Variants in NPAS1 observed in about 807,000 individuals in gnomAD.
NPAS1 encodes the protein neuronal PAS domain protein 1.
A neutral mutation model predicts 49.2 loss-of-function variants in NPAS1; 29 were observed. The ratio of observed to expected loss-of-function variants is 0.59; its 90% CI spans 0.44 to 0.80. The LOEUF is 0.80. Among genes scored for constraint, NPAS1 ranks in the 30% least tolerant of loss-of-function variants. The pLI is 0.00. For missense variants in NPAS1, 825 were observed against 835.5 expected, an observed-to-expected ratio of 0.99 and a Z score of 0.15; for synonymous variants, 408 against 380.4, an observed-to-expected ratio of 1.07 and a Z score of -0.84.
At chr19:47,033,631 T>C (rs1261883658) in intron 5 of NPAS1, among the ~76,000 whole-genome samples, 2 of 152,070 alleles carry the variant, frequency 1.3e-5, no homozygotes, top group African/African-American at 4.8e-5. Flanking sequence ...AGATGCACCA[T>C]ATTTGCCAAC....
chr19:47,036,184 G>T, intron 6 of NPAS1, 55 bp downstream of exon 6: 3 of 1,507,932 alleles, frequency 2.0e-6, no homozygotes, highest in South Asian at 1.2e-5. Flanking sequence ...GGGGACGCCC[G>T]CTGTACTGTA....
In NPAS1 at chr19:47,032,458, C is replaced by T. The variant is rs1039433234; in HGVS notation, c.432+107C>T. On this transcript the variant is annotated intron_variant, in intron 4 of 11. Transcript: ENST00000602212. The stretch of plus-strand genomic sequence containing the variant: ...CCATCTATTGTGGGGGGTACCTGGA[C>T]TGGGAAGGCGAATGCTCAAGATCCC... 2.4e-5 allele frequency: 31 copies of T among 1,286,664 alleles called. No individual in the cohort carries two copies. In the East Asian group the frequency reaches 7.2e-4, roughly 30 times the overall value. The allele number at this position is 1,286,664 out of a possible 1,614,324, so 79.7% of individuals were successfully genotyped here.
chr19:47,035,822 G>C (rs748246164), intron 5 of NPAS1, 142 bp from the exon 6 acceptor site: 254 of 818,992 alleles, frequency 3.1e-4, no homozygotes, highest in Non-Finnish European at 4.3e-4. Context: ...ATTGTTTTTT[G>C]TTTTTTTCTT....
At chr19:47,029,380 G>GGCCTTAGT (rs2056892546) in intron 3 of NPAS1, among the ~76,000 whole-genome samples, 3 of 140,524 alleles carry the variant, frequency 2.1e-5, no homozygotes. Context: ...CACTGCACCC[G>GGCCTTAGT]GCCTTAGTAT....
chr19:47,036,829 C>T (rs1342716196), intron 6 of NPAS1, among the ~76,000 whole-genome samples: 4 of 151,584 alleles, frequency 2.6e-5, no homozygotes, highest in Admixed American at 6.6e-5. Flanking sequence ...TTGCAGTGAG[C>T]AGAGATTGTG....
chr19:47,021,409 C>T lies in NPAS1; in HGVS notation c.123-203C>T, dbSNP rs1347727240. Among the ~76,000 whole-genome samples the T allele has an allele frequency of 6.6e-6, 1 of 152,222 alleles. No homozygotes were observed. Among genetic ancestry groups the T allele is most frequent in the Non-Finnish European group, 1.5e-5 (1 of 68,034 alleles). On this transcript the variant is annotated intron_variant, in intron 2 of 11. Transcript: ENST00000602212. The surrounding 1 kb of genome is among the most constrained non-coding windows in gnomAD (Gnocchi z 5.7). ...AATCTCTCGCCCTTCCTCCTCCTTC[C>T]CACCAGAATTGACACTCGAGGTTCT...
chr19:47,031,070 C>T (rs960679032), intron 3 of NPAS1, among the ~76,000 whole-genome samples: 3 of 152,062 alleles, frequency 2.0e-5, no homozygotes, highest in Non-Finnish European at 4.4e-5. Flanking sequence ...CAGGTCTGCT[C>T]AAATGTCCCC....
intron 3 of NPAS1, among the ~76,000 whole-genome samples, chr19:47,025,970 T>C: frequency 6.6e-6 from 1 of 151,876 alleles, no homozygotes; most frequent in African/African-American, 2.4e-5. Flanking sequence ...GACAGAGTCT[T>C]GCTCTGTCAC....
At chr19:47,031,829 TGTTG>T (rs2056907967) in intron 3 of NPAS1, among the ~76,000 whole-genome samples, 1 of 151,946 alleles carries the variant, frequency 6.6e-6, no homozygotes, top group Admixed American at 6.6e-5. Context: ...TCGCCCAGCC[TGTTG>T]GTTTCTTATT....
chr19:47,020,962 T>TC, intron 1 of NPAS1, 44 bp from the exon 2 acceptor site: 1 of 1,073,874 alleles, frequency 9.3e-7, no homozygotes, highest in Non-Finnish European at 1.3e-6. Context: ...CTAGAAGGTC[T>TC]CCCGAGGGCA....
At position 47,036,017 on chromosome 19, in the gene NPAS1, A is replaced by T; in HGVS notation, c.576A>T (p.Ser192=). The T allele has an allele frequency of 6.3e-7, 1 of 1,598,166 alleles. No individual in the cohort carries two copies. The change falls in exon 6 of 12, where the codon TCA becomes TCT. Residue 192 remains serine (S), a synonymous_variant. Coordinates refer to ENST00000602212, the MANE Select transcript of NPAS1 (RefSeq NM_002517.4). ...VFDYIHPGDH[S]EVLEQLGLRT... is the part of the protein sequence containing the mutation. The stretch of plus-strand genomic sequence containing the variant: ...ACTACATTCACCCTGGGGACCACTC[A>T]GAGGTGCTGGAGCAACTGGGGCTGC...
At chr19:47,032,517 C>T in intron 4 of NPAS1, 126 bp from the exon 5 acceptor site, 6 of 1,099,650 alleles carry the variant, frequency 5.5e-6, no homozygotes, top group Non-Finnish European at 2.7e-6. Context: ...ACCACTGAAG[C>T]CCCCTCCCCA....
In NPAS1 at chr19:47,032,312, C is replaced by G. The variant is rs768744499; in HGVS notation, c.393C>G (p.Ser131=). The G allele has an allele frequency of 6.2e-7, 1 of 1,614,034 alleles. No individual in the cohort carries two copies. Among genetic ancestry groups the G allele is most frequent in the Non-Finnish European group, 8.5e-7 (1 of 1,180,014 alleles). The stretch of plus-strand genomic sequence containing the variant: ...GCCGCGGCCCCGCAGCGCTGGTCTC[C>G]GAAGTCTTCGAGCAGCACCTGGGAG... ...PGRRGPAALV[S]EVFEQHLGGH... is the part of the protein sequence containing the mutation. Residue 131 remains serine, a synonymous_variant, in exon 4 of 12, where the codon TCC becomes TCG. Coordinates refer to ENST00000602212, the MANE Select transcript of NPAS1 (RefSeq NM_002517.4).
intron 4 of NPAS1, 106 bp from the exon 5 acceptor site, chr19:47,032,537 T>G (rs2287841): frequency 0.091 from 106,267 of 1,173,708 alleles, 5,954 homozygotes; most frequent in South Asian, 0.17. Flanking sequence ...ACCAAAACAG[T>G]CCACCTCAGG....
Position 47,021,206 on chromosome 19 carries a change from C to CA in NPAS1, c.122+37_122+38insA. ...CCCGCCCCCCTGGCCGCGGGCCCCCCCCCGGGTCCAATTCACACCCGATGT... is the reference window on the plus strand; with the variant it reads ...CCCGCCCCCCTGGCCGCGGGCCCCCCACCCGGGTCCAATTCACACCCGATGT... On this transcript the variant is annotated intron_variant, in intron 2 of 11. Coordinates refer to ENST00000602212, the MANE Select transcript of NPAS1 (RefSeq NM_002517.4). This position sits in a 1 kb window ranked among gnomAD's most constrained non-coding sequence, Gnocchi z 5.7. 6.7e-7 allele frequency: 1 copy of CA among 1,484,238 alleles called. No individual in the cohort carries two copies. The highest frequency in any genetic ancestry group is 1.3e-5 in the South Asian group (1 of 74,466). The allele number at this position is 1,484,238 out of a possible 1,614,324, so 91.9% of individuals were successfully genotyped here. A position where few individuals can be genotyped will look rare whatever the true frequency, so the allele number is the denominator to read the frequency against.
chr19:47,026,157 T>G (rs1164748535), intron 3 of NPAS1, among the ~76,000 whole-genome samples: 1 of 152,074 alleles, frequency 6.6e-6, no homozygotes, highest in African/African-American at 2.4e-5. Context: ...CAGGCTGGTC[T>G]TGAACTCCTG....
intron 11 of NPAS1, among the ~76,000 whole-genome samples, chr19:47,043,297 A>AAAAAAAT (rs1489463792): frequency 6.8e-6 from 1 of 146,734 alleles, no homozygotes; most frequent in Non-Finnish European, 1.5e-5. Context: ...AAAAAAAAAA[A>AAAAAAAT]TTTAAATCCA....
chr19:47,021,609 C>A lies in NPAS1; in HGVS notation c.123-3C>A. The A allele has an allele frequency of 6.7e-7, 1 of 1,490,180 alleles. No homozygotes were observed. Among genetic ancestry groups the A allele is most frequent in the Non-Finnish European group, 8.9e-7 (1 of 1,119,982 alleles). The allele number at this position is 1,490,180 out of a possible 1,614,324, so 92.3% of individuals were successfully genotyped here. ...CGACACCTCCTCCGCGCCGCCCGCC[C>A]AGCCTGCAGGCGCAGCGCAAGGAGA... On this transcript the variant is annotated splice_region_variant and splice_polypyrimidine_tract_variant and intron_variant, in intron 2 of 11. Coordinates refer to ENST00000602212, the MANE Select transcript of NPAS1 (RefSeq NM_002517.4). This position sits in a 1 kb window ranked among gnomAD's most constrained non-coding sequence, Gnocchi z 5.7.
chr19:47,027,690 GTCTGCCCCTGGTCCCCTTCTC>G (rs1457061187), intron 3 of NPAS1, among the ~76,000 whole-genome samples: 4 of 21,070 alleles, frequency 1.9e-4, no homozygotes, highest in East Asian at 8.0e-4. Flanking sequence ...TCTCCTGTCT[GTCTGCCCCTGGTCCCCTTCTC>G]TCTGCCCCTG....
Sources: gnomAD v4.1 joint callset for allele counts (sites outside exome capture counted in the v4.1 genomes callset) on GRCh38, gnomAD v4.1.1 for gene constraint, Gnocchi (gnomAD v3.1) non-coding constraint, MANE v1.5 for transcripts, NCBI Gene and HGNC (gene_info 2026-07-23, HGNC 2026-07-21) for gene names.